XCL2: variants seen among roughly 807,000 people sequenced by gnomAD.
XCL2 encodes the protein cytokine SCM-1 beta.
A neutral mutation model predicts 7.2 loss-of-function variants in XCL2; 8 were observed. The observed-to-expected ratio is 1.10, with a 90% CI of 0.65 to 1.99. XCL2 has a LOEUF of 1.99. Ranked by LOEUF, XCL2 falls within the 30% of genes most tolerant of loss-of-function variation. The probability of loss-of-function intolerance (pLI) is 0.00; values close to 1 mark genes in which losing one functional copy is unlikely to be tolerated. For synonymous variants in XCL2, 46 were observed against 54.2 expected, an observed-to-expected ratio of 0.85 and a Z score of 0.67; for missense variants, 131 against 138.6, an observed-to-expected ratio of 0.94 and a Z score of 0.28.
chr1:168,543,713 A>G (rs1654340097), intron 1 of XCL2, among the ~76,000 whole-genome samples, 191 bp downstream of exon 1: 1 of 151,470 alleles, frequency 6.6e-6, no homozygotes, highest in African/African-American at 2.4e-5. Context: ...ATACTAATCA[A>G]ATTCTCCCTG....
intron 1 of XCL2, chr1:168,543,424 A>G (rs1299299248): frequency 1.1e-5 from 2 of 178,514 alleles, no homozygotes; most frequent in African/African-American, 4.8e-5. Flanking sequence ...TTGTAACTGA[A>G]CTCTCTAAGA....
Position 168,540,994 on chromosome 1 carries a change from T to C in XCL2, c.303A>G (p.Gly101=), listed in dbSNP as rs751864292. ...CAGCTGTATTGGTCGATTGCTGGGT[T>C]CCTGTTGGCTTGGTCTGGATCATGT... is the stretch of plus-strand genomic sequence containing the variant. ...RNNMIQTKPT[G]TQQSTNTAVT... is the part of the protein sequence containing the mutation. Residue 101 remains glycine (G), a synonymous_variant, in exon 3 of 3, where the codon GGA becomes GGG. Coordinates refer to ENST00000367819, the MANE Select transcript of XCL2 (RefSeq NM_003175.4). 6 of 1,613,708 alleles carry C rather than the reference T, an allele frequency of 3.7e-6. No individual in the cohort carries two copies. Among genetic ancestry groups the C allele is most frequent in the Non-Finnish European group, 5.1e-6 (6 of 1,179,712 alleles).
Position 168,540,789 on chromosome 1 carries a change from A to T in XCL2, c.*163T>A, listed in dbSNP as rs1654258291. On this transcript the variant is annotated 3_prime_UTR_variant, in exon 3 of 3. Coordinates refer to ENST00000367819, the MANE Select transcript of XCL2 (RefSeq NM_003175.4). ...ATTCTTAATAATAAATAATTTATTA[A>T]TTAGAACATATAAGTGAATACAGAA... is the stretch of plus-strand genomic sequence containing the variant. 6 of 775,284 alleles carry T rather than the reference A, an allele frequency of 7.7e-6. No homozygotes were observed. Among genetic ancestry groups the T allele is most frequent in the Non-Finnish European group, 1.1e-5 (6 of 529,806 alleles). 48.0% of individuals were successfully genotyped at this position (775,284 alleles called of 1,614,324 possible). A position where few individuals can be genotyped will look rare whatever the true frequency, so the allele number is the denominator to read the frequency against.
chr1:168,542,611 G>A (rs138745842), intron 1 of XCL2: 1,898 of 158,198 alleles, frequency 0.012, 33 homozygotes, highest in African/African-American at 0.043. Context: ...AGAGTAATGC[G>A]TGAAGAGTAC....
rs531686010 is a variant in XCL2, at chr1:168,540,938, G to C, written c.*14C>G. On this transcript the variant is annotated 3_prime_UTR_variant, in exon 3 of 3. Transcript: ENST00000367819. ...GAGCTGGCTGGCTGGAGACGGACAG[G>C]GTGCCAGAGACTACTAGCCAGTCAG... The C allele has an allele frequency of 3.1e-6, 5 of 1,611,706 alleles. No homozygotes were observed. The highest frequency in any genetic ancestry group is 1.7e-5 in the Admixed American group (1 of 59,912).
At chr1:168,543,660 G>A (rs1390085303) in intron 1 of XCL2, among the ~76,000 whole-genome samples, 5 of 145,454 alleles carry the variant, frequency 3.4e-5, no homozygotes, top group Admixed American at 2.8e-4. Context: ...AGTGGTTAAG[G>A]AATTTACCTG....
intron 1 of XCL2, chr1:168,542,735 T>C (rs1654315729): frequency 6.2e-6 from 1 of 161,008 alleles, no homozygotes; most frequent in Non-Finnish European, 1.4e-5. Context: ...CCTAAGATGC[T>C]GAAAAGAAAG....
chr1:168,541,782 C>A (rs1182572078), intron 2 of XCL2, among the ~76,000 whole-genome samples: 2 of 152,170 alleles, frequency 1.3e-5, no homozygotes, highest in African/African-American at 2.4e-5. Flanking sequence ...GACTTCTATT[C>A]TTTCTTTGGC....
In XCL2 at chr1:168,541,016, A is replaced by G. The variant is rs192644915; in HGVS notation, c.281T>C (p.Met94Thr). 6 of 1,613,698 alleles carry G rather than the reference A, an allele frequency of 3.7e-6. No homozygotes were observed. The East Asian group carries it at 8.9e-5, about 24-fold the overall frequency. ...MDRKSNTRNN[M>T]IQTKPTGTQQ... ...GGTTCCTGTTGGCTTGGTCTGGATC[A>G]TGTTATTTCTGGTGTTGGATTTCCT... Residue 94 changes from methionine to threonine, a missense_variant, in exon 3 of 3, where the codon ATG becomes ACG. By Grantham distance (81) the Met-to-Thr change is moderately conservative (BLOSUM62 -1). Coordinates refer to ENST00000367819, the MANE Select transcript of XCL2 (RefSeq NM_003175.4).
rs537786332 is a variant in XCL2 at position 168,541,148 on chromosome 1, G to T, written c.177-28C>A. 1.4e-4 allele frequency: 233 copies of T among 1,610,056 alleles called. 1 individual carries two copies. Among genetic ancestry groups the T allele is most frequent in the Non-Finnish European group, 6.8e-6 (8 of 1,177,014 alleles). ...GTAACGCAAGGAAAAGACAGATGAA[G>T]TTAGCCACGTTCTCAAAGCCTCAGG... On this transcript the variant is annotated intron_variant, in intron 2 of 2. Coordinates refer to ENST00000367819, the MANE Select transcript of XCL2 (RefSeq NM_003175.4).
Position 168,541,068 on chromosome 1 carries a change from C to A in XCL2, c.229G>T (p.Val77Leu). Residue 77 changes from valine (V) to leucine (L), a missense_variant, in exon 3 of 3, where the codon GTG becomes TTG. Physicochemically the swap from Val to Leu is conservative, Grantham distance 32. Transcript: ENST00000367819. ...KVCADPQATW[V>L]RDVVRSMDRK... ...TCCATGCTCCTGACCACGTCTCTCA[C>A]CCACGTGGCTTGTGGATCAGCACAG... 3.1e-6 allele frequency: 5 copies of A among 1,613,714 alleles called. No individual in the cohort carries two copies. Among genetic ancestry groups the A allele is most frequent in the Non-Finnish European group, 3.4e-6 (4 of 1,179,726 alleles).
intron 1 of XCL2, among the ~76,000 whole-genome samples, chr1:168,542,553 G>T (rs1654311772): frequency 1.3e-5 from 2 of 151,956 alleles, no homozygotes; most frequent in Non-Finnish European, 2.9e-5. Flanking sequence ...AAACAGAAAA[G>T]ATCATTTCAA....
intron 2 of XCL2, 47 bp downstream of exon 2, chr1:168,541,946 T>C: frequency 6.3e-7 from 1 of 1,586,016 alleles, no homozygotes; most frequent in South Asian, 1.1e-5. Context: ...TGTATTTCTA[T>C]ACCTCTAGGT....
At chr1:168,541,173 G>C in intron 2 of XCL2, 53 bp from the exon 3 acceptor site, 1 of 1,599,684 alleles carries the variant, frequency 6.3e-7, no homozygotes, top group Non-Finnish European at 8.5e-7. Flanking sequence ...AAAGCCTCAG[G>C]GTCAGGAGTT....
At chr1:168,543,781 G>A in intron 1 of XCL2, 123 bp downstream of exon 1, 1 of 1,318,782 alleles carries the variant, frequency 7.6e-7, no homozygotes. Flanking sequence ...CTTGCACATG[G>A]GAAGTTTAAG....
At chr1:168,543,705 A>G (rs1276209319) in intron 1 of XCL2, among the ~76,000 whole-genome samples, 199 bp downstream of exon 1, 44 of 151,102 alleles carry the variant, frequency 2.9e-4, no homozygotes, top group Admixed American at 2.9e-3. Context: ...GAGCCCAGAT[A>G]CTAATCAAAT....
intron 1 of XCL2, 79 bp downstream of exon 1, chr1:168,543,825 A>C: frequency 6.2e-7 from 1 of 1,603,776 alleles, no homozygotes; most frequent in South Asian, 1.1e-5. Flanking sequence ...GTCCAGTCAA[A>C]ACCCGAGTCA....
chr1:168,542,393 A>G (rs1253983622), intron 1 of XCL2, among the ~76,000 whole-genome samples: 1 of 152,010 alleles, frequency 6.6e-6, no homozygotes, highest in Non-Finnish European at 1.5e-5. Flanking sequence ...TCACTTAGAC[A>G]TTTGGGACGG....
chr1:168,543,085 C>A lies in XCL2; in HGVS notation c.61+819G>T, dbSNP rs533184293. The A allele has an allele frequency of 1.0e-3, 390 of 376,096 alleles. 2 individuals carry two copies. Among genetic ancestry groups the A allele is most frequent in the Non-Finnish European group, 1.1e-3 (224 of 196,032 alleles). 23.3% of individuals were successfully genotyped at this position (376,096 alleles called of 1,614,324 possible). On this transcript the variant is annotated intron_variant, in intron 1 of 2. Transcript: ENST00000367819. ...AAGAGAAGAAGCAGAGACTGTTGGC[C>A]CAGGCTGAGAAGAAAGCTGCTAGCA...
Sources: allele counts gnomAD v4.1 joint callset (sites outside exome capture counted in the v4.1 genomes callset), GRCh38; gene constraint gnomAD v4.1.1; transcripts MANE v1.5; gene names NCBI Gene and HGNC (gene_info 2026-07-23, HGNC 2026-07-21).